MYO1D: variants seen among roughly 807,000 people sequenced by gnomAD.
The protein encoded by MYO1D is unconventional myosin-Id.
MYO1D carries 83 observed loss-of-function variants against 122.0 expected under a neutral mutation model. That is an observed-to-expected ratio of 0.68 (90% CI 0.57 to 0.82). MYO1D has a LOEUF of 0.82. Ranked by LOEUF, MYO1D falls within the 40% of genes least tolerant of loss-of-function variation. The pLI, the probability that MYO1D is intolerant of heterozygous loss-of-function variation, is 0.00. For synonymous variants in MYO1D, 464 were observed against 446.9 expected (o/e 1.04, Z -0.48); for missense variants, 1,157 against 1,269.5 (o/e 0.91, Z 1.35).
At chr17:32,660,263 T>C (rs2088544589) in intron 16 of MYO1D, among the ~76,000 whole-genome samples, 1 of 152,228 alleles carries the variant, frequency 6.6e-6, no homozygotes, top group Non-Finnish European at 1.5e-5. Context: ...TTGCTGCTAC[T>C]TAAATAACTG....
chr17:32,565,761 G>T, intron 21 of MYO1D, among the ~76,000 whole-genome samples: 1 of 151,734 alleles, frequency 6.6e-6, no homozygotes, highest in East Asian at 1.9e-4. Context: ...GTCTCCATCT[G>T]TGGCTCAGGC....
chr17:32,712,179 C>T lies in MYO1D; in HGVS notation c.1930G>A (p.Glu644Lys), dbSNP rs749371551. The change falls in exon 16 of 22, where the codon GAA (glutamate) becomes AAA (lysine). Residue 644 changes from glutamate to lysine, a missense_variant. Coordinates refer to ENST00000318217, the MANE Select transcript of MYO1D (RefSeq NM_015194.3). The stretch of plus-strand genomic sequence containing the variant: ...AGGTCATGGTTGGGCCAGGTGAATT[C>T]AGAGATCATCTTATACCTGGATGAA... ...KFLHRYKMIS[E>K]FTWPNHDLPS... 3.7e-6 allele frequency: 6 copies of T among 1,613,154 alleles called. No homozygotes were observed. In the South Asian group the frequency reaches 6.6e-5, roughly 18 times the overall value.
At chr17:32,621,255 T>C (rs1555632197) in intron 20 of MYO1D, among the ~76,000 whole-genome samples, 1 of 152,138 alleles carries the variant, frequency 6.6e-6, no homozygotes, top group Non-Finnish European at 1.5e-5. Context: ...GCTCAGCCTG[T>C]ACGTATGAGC....
chr17:32,843,357 G>A (rs1476777127), intron 1 of MYO1D, among the ~76,000 whole-genome samples: 2 of 152,106 alleles, frequency 1.3e-5, no homozygotes, highest in African/African-American at 4.8e-5. Flanking sequence ...ACCACACTGA[G>A]TATCCATAAA....
intron 1 of MYO1D, among the ~76,000 whole-genome samples, chr17:32,826,461 T>C (rs770184688): frequency 6.6e-6 from 1 of 152,254 alleles, no homozygotes; most frequent in African/African-American, 2.4e-5. Context: ...GGAGCTTAAA[T>C]ATTTAGTTGC....
chr17:32,550,313 T>G (rs2087000656), intron 21 of MYO1D, among the ~76,000 whole-genome samples: 1 of 152,314 alleles, frequency 6.6e-6, no homozygotes, highest in South Asian at 2.1e-4. Context: ...TTGGCCAGGC[T>G]GGTCTCGAAC....
chr17:32,509,195 G>C (rs150524391), intron 21 of MYO1D, among the ~76,000 whole-genome samples: 2 of 152,338 alleles, frequency 1.3e-5, no homozygotes, highest in African/African-American at 4.8e-5. Flanking sequence ...CTCCGTGTAA[G>C]GGGCTGTTTA....
At chr17:32,811,614 C>CCCT (rs1162394665) in intron 1 of MYO1D, among the ~76,000 whole-genome samples, 1 of 118,930 alleles carries the variant, frequency 8.4e-6, no homozygotes, top group Non-Finnish European at 1.8e-5. Context: ...AACCCTCACC[C>CCCT]TCTTTTTTTT....
chr17:32,763,057 T>A (rs1598076648), intron 8 of MYO1D, among the ~76,000 whole-genome samples: 2 of 149,254 alleles, frequency 1.3e-5, no homozygotes, highest in South Asian at 4.3e-4. Context: ...GTGGTGGCGG[T>A]CGCCTGTAGT....
intron 1 of MYO1D, among the ~76,000 whole-genome samples, chr17:32,847,205 G>C (rs1358536713): frequency 6.6e-6 from 1 of 152,156 alleles, no homozygotes; most frequent in Non-Finnish European, 1.5e-5. Flanking sequence ...GTTAGATACA[G>C]AATGTCAACG....
chr17:32,659,379 G>A, intron 16 of MYO1D, 41 bp from the exon 17 acceptor site: 1 of 1,590,568 alleles, frequency 6.3e-7, no homozygotes, highest in South Asian at 1.1e-5. Flanking sequence ...TTATTGACCG[G>A]CTGAGTTGTG....
At chr17:32,498,038 A>G (rs1264441252) in intron 21 of MYO1D, 1 of 152,320 alleles carries the variant, frequency 6.6e-6, no homozygotes, top group Non-Finnish European at 1.5e-5. Flanking sequence ...TGGCGGAGGC[A>G]GTGTTCCTGC....
At chr17:32,656,680 C>T (rs775385949) in intron 17 of MYO1D, among the ~76,000 whole-genome samples, 10 of 152,294 alleles carry the variant, frequency 6.6e-5, no homozygotes, top group South Asian at 4.1e-4. Flanking sequence ...AACCAACACT[C>T]CAACAAGACA....
intron 19 of MYO1D, among the ~76,000 whole-genome samples, chr17:32,639,793 A>C (rs925528599): frequency 2.0e-5 from 3 of 152,148 alleles, no homozygotes; most frequent in Admixed American, 1.3e-4. Flanking sequence ...ATGCAAACCA[A>C]ACCAACAAAC....
At chr17:32,664,619 G>A (rs1394938298) in intron 16 of MYO1D, among the ~76,000 whole-genome samples, 4 of 152,152 alleles carry the variant, frequency 2.6e-5, no homozygotes, top group South Asian at 4.1e-4. Context: ...TGGGACCTGC[G>A]AGGTGAAGTC....
intron 21 of MYO1D, among the ~76,000 whole-genome samples, chr17:32,550,839 T>A (rs1467360714): frequency 6.6e-6 from 1 of 151,874 alleles, no homozygotes. Context: ...TTACAAAAAA[T>A]TTAAAAATTA....
At chr17:32,575,727 T>C (rs999285171) in intron 21 of MYO1D, among the ~76,000 whole-genome samples, 1 of 152,204 alleles carries the variant, frequency 6.6e-6, no homozygotes. Context: ...TTTGCCTGGA[T>C]CCTGCCCATC....
At chr17:32,820,392 A>G (rs1228396087) in intron 1 of MYO1D, among the ~76,000 whole-genome samples, 1 of 152,218 alleles carries the variant, frequency 6.6e-6, no homozygotes, top group Non-Finnish European at 1.5e-5. Flanking sequence ...ATGGATGGAT[A>G]AAGAAAATGT....
chr17:32,513,366 T>C (rs145236278), intron 21 of MYO1D, among the ~76,000 whole-genome samples: 1 of 152,254 alleles, frequency 6.6e-6, no homozygotes, highest in East Asian at 1.9e-4. Context: ...TGGCTGAATG[T>C]GGGTGATAAG....
Sources: allele counts gnomAD v4.1 joint callset (sites outside exome capture counted in the v4.1 genomes callset), GRCh38; gene constraint gnomAD v4.1.1; transcripts MANE v1.5; gene names NCBI Gene and HGNC (gene_info 2026-07-23, HGNC 2026-07-21).